ZNF888: variants seen among roughly 807,000 people sequenced by gnomAD.
The protein encoded by ZNF888 is CTD-2331H12.6.
ZNF888 carries 5 observed loss-of-function variants against 7.2 expected under a neutral mutation model. That is an observed-to-expected ratio of 0.70 (90% CI 0.36 to 1.46). ZNF888 has a LOEUF of 1.46. Ranked by LOEUF, ZNF888 falls within the 40% of genes most tolerant of loss-of-function variation. The pLI is 0.03. For missense variants in ZNF888, 716 were observed against 858.0 expected (o/e 0.83, Z 2.07); for synonymous variants, 240 against 284.3 (o/e 0.84, Z 1.57).
intron 1 of ZNF888, 32 bp from the exon 2 acceptor site, chr19:52,918,969 C>CCT (rs1555828874): frequency 0.062 from 1 of 16 alleles, no homozygotes; most frequent in African/African-American, 0.25. Flanking sequence ...TCTCCCTCTC[C>CCT]CTCCCCCTCC....
intron 4 of ZNF888, among the ~76,000 whole-genome samples, chr19:52,914,754 C>A (rs543439096): frequency 6.6e-6 from 1 of 152,120 alleles, no homozygotes; most frequent in Non-Finnish European, 1.5e-5. Flanking sequence ...AGAACCTTCA[C>A]CTCCCGGGTT....
chr19:52,922,403 GCT>G (rs2064832258), intron 1 of ZNF888, among the ~76,000 whole-genome samples: 1 of 151,938 alleles, frequency 6.6e-6, no homozygotes, highest in Admixed American at 6.6e-5. Context: ...GCACCACTCT[GCT>G]CTGTCTGCCC....
intron 4 of ZNF888, among the ~76,000 whole-genome samples, chr19:52,912,122 AT>A (rs112484109): frequency 0.19 from 26,567 of 137,976 alleles, 4,617 homozygotes; most frequent in African/African-American, 0.47. Context: ...CTTTATTTTT[AT>A]TTTTTTTTGA....
At chr19:52,917,992 C>T (rs2064770925) in intron 2 of ZNF888, 61 bp from the exon 3 acceptor site, 1 of 1,570,300 alleles carries the variant, frequency 6.4e-7, no homozygotes, top group Non-Finnish European at 8.6e-7. Flanking sequence ...TCAACATACC[C>T]CCTCCCTGTA....
intron 1 of ZNF888, among the ~76,000 whole-genome samples, chr19:52,922,379 TCTC>T (rs916417017): frequency 2.6e-5 from 4 of 152,006 alleles, no homozygotes. Context: ...CTCCCTCTGT[TCTC>T]CTTGCCACCA....
chr19:52,918,105 C>T lies in ZNF888; in HGVS notation c.-58-174G>A, dbSNP rs888889226. The T allele has an allele frequency of 4.3e-6, 6 of 1,407,700 alleles. No homozygotes were observed. In the African/African-American group the frequency reaches 7.2e-5, roughly 17 times the overall value. The allele number at this position is 1,407,700 out of a possible 1,614,324, so 87.2% of individuals were successfully genotyped here. A position where few individuals can be genotyped will look rare whatever the true frequency, so the allele number is the denominator to read the frequency against. On this transcript the variant is annotated intron_variant, in intron 2 of 4. Transcript: ENST00000638862. Reference sequence around the variant, plus strand: ...AACTCCTATAGGAAAACTCCCACTCCCCTTCTGGAGAAGCCCACACACACG... The same window carrying T: ...AACTCCTATAGGAAAACTCCCACTCTCCTTCTGGAGAAGCCCACACACACG...
chr19:52,916,615 C>CATATACATATAT (rs374760326), intron 3 of ZNF888, among the ~76,000 whole-genome samples: 121 of 131,422 alleles, frequency 9.2e-4, no homozygotes, highest in African/African-American at 3.5e-3. Context: ...TATACATATA[C>CATATACATATAT]ATATATATAT....
At chr19:52,912,384 A>G (rs62117535) in intron 4 of ZNF888, among the ~76,000 whole-genome samples, 58 of 149,818 alleles carry the variant, frequency 3.9e-4, no homozygotes, top group East Asian at 1.2e-3. Flanking sequence ...AAGTGCTGGG[A>G]TTACAGGCAT....
intron 1 of ZNF888, among the ~76,000 whole-genome samples, chr19:52,921,907 C>A (rs2147941939): frequency 6.6e-6 from 1 of 152,102 alleles, no homozygotes; most frequent in South Asian, 2.1e-4. Flanking sequence ...TCAGCCTGGG[C>A]AACAAGAGCA....
In ZNF888 at chr19:52,915,330, G is replaced by T; in HGVS notation, c.16-8C>A. 1 of 1,613,068 alleles carries T rather than the reference G, an allele frequency of 6.2e-7. No individual in the cohort carries two copies. Among genetic ancestry groups the T allele is most frequent in the Non-Finnish European group, 8.5e-7 (1 of 1,179,962 alleles). On this transcript the variant is annotated splice_region_variant and splice_polypyrimidine_tract_variant and intron_variant, in intron 3 of 4. Coordinates refer to ENST00000638862, the MANE Select transcript of ZNF888 (RefSeq NM_001393938.1). ...CCTGAATGTCAATAGACCCTGAAAT[G>T]AAAACACATTTTAACCAAATGGTTA... is the stretch of plus-strand genomic sequence containing the variant.
Position 52,911,348 on chromosome 19 carries a change from T to C in ZNF888, c.143-3169A>G, listed in dbSNP as rs925668963. On this transcript the variant is annotated intron_variant, in intron 4 of 4. Coordinates refer to ENST00000638862, the MANE Select transcript of ZNF888 (RefSeq NM_001393938.1). ...TTTCTTTTTGTTTTCTTTTCTTTTTTTTTTTTTTGAGACGGAGTCTTGCTC... is the reference window on the plus strand; with the variant it reads ...TTTCTTTTTGTTTTCTTTTCTTTTTCTTTTTTTTGAGACGGAGTCTTGCTC... 6.6e-5 allele frequency among the ~76,000 whole-genome samples: 10 copies of C among 151,370 alleles called. No individual in the cohort carries two copies. In the East Asian group the frequency reaches 7.8e-4, roughly 12 times the overall value.
At chr19:52,909,933 G>A (rs531386209) in intron 4 of ZNF888, among the ~76,000 whole-genome samples, 28 of 151,906 alleles carry the variant, frequency 1.8e-4, no homozygotes, top group Admixed American at 6.5e-4. Flanking sequence ...AGGCCAAGGC[G>A]GGTGGATCAC....
At position 52,904,493 on chromosome 19, in the gene ZNF888, T is replaced by C. The variant is rs554853223; in HGVS notation, c.*1672A>G. On this transcript the variant is annotated 3_prime_UTR_variant, in exon 5 of 5. Transcript: ENST00000638862. Reference sequence around the variant, plus strand: ...AAATCTGAGCTCCCCTAATGCACAATTTCTGTCCTTTTTAAGGGCTCACAA... The same window carrying C: ...AAATCTGAGCTCCCCTAATGCACAACTTCTGTCCTTTTTAAGGGCTCACAA... 1 of 152,320 alleles carries C rather than the reference T, an allele frequency of 6.6e-6. No homozygotes were observed. Among genetic ancestry groups the C allele is most frequent in the East Asian group, 1.9e-4 (1 of 5,174 alleles). 9.4% of individuals were successfully genotyped at this position (152,320 alleles called of 1,614,324 possible). A position where few individuals can be genotyped will look rare whatever the true frequency, so the allele number is the denominator to read the frequency against.
At chr19:52,922,427 C>T (rs551335041) in intron 1 of ZNF888, among the ~76,000 whole-genome samples, 48 of 151,854 alleles carry the variant, frequency 3.2e-4, no homozygotes, top group Middle Eastern at 6.8e-3. Flanking sequence ...GGCTCCAAAT[C>T]CCTCCTCCTC....
At chr19:52,911,805 T>G (rs2064683049) in intron 4 of ZNF888, among the ~76,000 whole-genome samples, 1 of 151,836 alleles carries the variant, frequency 6.6e-6, no homozygotes, top group African/African-American at 2.4e-5. Context: ...GTAACATATT[T>G]TATTTTATTT....
chr19:52,918,081 A>C, intron 2 of ZNF888, 150 bp from the exon 3 acceptor site: 1 of 1,421,172 alleles, frequency 7.0e-7, no homozygotes, highest in Non-Finnish European at 9.2e-7. Context: ...GGGACAATAA[A>C]CTCCTATAGG....
At chr19:52,911,238 C>T (rs568364151) in intron 4 of ZNF888, among the ~76,000 whole-genome samples, 14 of 152,262 alleles carry the variant, frequency 9.2e-5, no homozygotes, top group African/African-American at 3.1e-4. Flanking sequence ...GTCTCAAACT[C>T]CTGACCTCAA....
At chr19:52,915,942 G>T (rs1340914589) in intron 3 of ZNF888, among the ~76,000 whole-genome samples, 2 of 152,280 alleles carry the variant, frequency 1.3e-5, no homozygotes, top group African/African-American at 4.8e-5. Context: ...TCAGTATCTC[G>T]AAGAGACAGA....
chr19:52,908,519 A>G (rs912276888), intron 4 of ZNF888, among the ~76,000 whole-genome samples: 3 of 152,198 alleles, frequency 2.0e-5, no homozygotes, highest in African/African-American at 7.2e-5. Flanking sequence ...AGAAGAAAAT[A>G]TATATTCTTC....
Sources: gnomAD v4.1 joint callset for allele counts (sites outside exome capture counted in the v4.1 genomes callset) on GRCh38, gnomAD v4.1.1 for gene constraint, MANE v1.5 for transcripts, NCBI Gene and HGNC (gene_info 2026-07-23, HGNC 2026-07-21) for gene names.